CUX1: variants seen among roughly 807,000 people sequenced by gnomAD.
CUX1 encodes the protein cut like homeobox 1.
In CUX1, 31 loss-of-function variants were observed where a neutral mutation model predicts 158.8. That is an observed-to-expected ratio of 0.20 (90% CI 0.15 to 0.26). The LOEUF (loss-of-function observed/expected upper bound fraction) is 0.26, where lower values mean the gene tolerates loss of function less well. Among genes scored for constraint, CUX1 ranks in the 10% least tolerant of loss-of-function variants. CUX1 has a pLI of 1.00. For synonymous variants in CUX1, 879 were observed against 862.1 expected, an observed-to-expected ratio of 1.02 and a Z score of -0.34; for missense variants, 1,589 against 2,014.6, an observed-to-expected ratio of 0.79 and a Z score of 4.04.
chr7:102,085,986 A>G (rs1426797028), intron 4 of CUX1, among the ~76,000 whole-genome samples: 2 of 152,172 alleles, frequency 1.3e-5, no homozygotes, highest in Non-Finnish European at 2.9e-5. Flanking sequence ...TTCTTGAGTC[A>G]GTTTTGGTAA....
intron 21 of CUX1, 51 bp downstream of exon 21, chr7:102,227,720 G>C (rs1798492200): frequency 4.5e-6 from 7 of 1,568,100 alleles, no homozygotes; most frequent in Non-Finnish European, 6.1e-6. Flanking sequence ...GAGTTTGCAG[G>C]AGGAGCAGGT....
intron 2 of CUX1, among the ~76,000 whole-genome samples, chr7:101,936,245 G>C (rs1158599452): frequency 5.3e-5 from 8 of 150,788 alleles, no homozygotes; most frequent in Admixed American, 2.6e-4. Flanking sequence ...TGGGAGGAGG[G>C]AGGAGGGAGG....
intron 1 of CUX1, among the ~76,000 whole-genome samples, chr7:101,897,074 T>A (rs1380311675): frequency 1.3e-5 from 2 of 152,226 alleles, no homozygotes; most frequent in African/African-American, 4.8e-5. Context: ...ATTTACTCCC[T>A]CTTATTAGGC....
chr7:102,098,989 T>C (rs1273358800), intron 5 of CUX1, among the ~76,000 whole-genome samples: 1 of 152,012 alleles, frequency 6.6e-6, no homozygotes, highest in Non-Finnish European at 1.5e-5. Context: ...AAGTGTCCTT[T>C]GGCTTTAAAA....
chr7:102,136,816 A>G (rs1224495248), intron 8 of CUX1, among the ~76,000 whole-genome samples: 1 of 152,176 alleles, frequency 6.6e-6, no homozygotes, highest in Non-Finnish European at 1.5e-5. Flanking sequence ...TTTTCTACAG[A>G]TGGAGTTTAT....
intron 2 of CUX1, among the ~76,000 whole-genome samples, chr7:101,924,955 C>T (rs373673140): frequency 1.1e-4 from 16 of 152,312 alleles, no homozygotes; most frequent in African/African-American, 2.4e-4. Context: ...ACTGGACTCT[C>T]AACTCTTCTC....
At chr7:102,002,166 G>A (rs1388628863) in intron 2 of CUX1, among the ~76,000 whole-genome samples, 2 of 152,174 alleles carry the variant, frequency 1.3e-5, no homozygotes, top group African/African-American at 4.8e-5. Context: ...TGAGTATGGT[G>A]GTGCATGCCT....
chr7:101,916,062 CT>C lies in CUX1; in HGVS notation c.31-52del. 7.8e-7 allele frequency: 1 copy of C among 1,276,148 alleles called. No homozygotes were observed. The highest frequency in any genetic ancestry group is 1.1e-6 in the Non-Finnish European group (1 of 873,134). The allele number at this position is 1,276,148 out of a possible 1,614,324, so 79.1% of individuals were successfully genotyped here. On this transcript the variant is annotated intron_variant, in intron 1 of 23. Transcript: ENST00000292535. This position sits in a 1 kb window ranked among gnomAD's most constrained non-coding sequence, Gnocchi z 4.4. ...GGTCAAATGCAAATAGGACCCTCCT[CT>C]AGTACACAGTGCAATTACAATCTCA...
At chr7:101,821,550 G>A (rs552841939) in intron 1 of CUX1, among the ~76,000 whole-genome samples, 1 of 151,340 alleles carries the variant, frequency 6.6e-6, no homozygotes, top group African/African-American at 2.4e-5. Flanking sequence ...GTGTTAGCCC[G>A]GATGGTCTCG....
chr7:102,272,411 G>A (rs1038175083), intron 14 of CUX1, among the ~76,000 whole-genome samples: 32 of 152,330 alleles, frequency 2.1e-4, no homozygotes, highest in African/African-American at 6.0e-4. Flanking sequence ...GCCCCCTGGC[G>A]GCTGTGCAGC....
In CUX1 at chr7:102,093,767, A is replaced by C. The variant is rs996728133; in HGVS notation, c.269-3597A>C. Among the ~76,000 whole-genome samples the C allele has an allele frequency of 2.6e-5, 4 of 152,256 alleles. 1 individual carries two copies. The highest frequency in any genetic ancestry group is 2.0e-4 in the Admixed American group (3 of 15,286). On this transcript the variant is annotated intron_variant, in intron 4 of 23. Coordinates refer to ENST00000292535, the MANE Select transcript of CUX1 (RefSeq NM_181552.4). ...ACCTCCAAGATTGCTTTAGGAATTA[A>C]GTATCAGATGATTGTAAAACACTTT...
intron 3 of CUX1, among the ~76,000 whole-genome samples, chr7:102,061,556 C>G (rs1341458353): frequency 2.6e-5 from 4 of 152,148 alleles, no homozygotes; most frequent in African/African-American, 4.8e-5. Flanking sequence ...AACTGAGGCC[C>G]AGAGAGGTTA....
chr7:102,118,308 C>T lies in CUX1; in HGVS notation c.674+3035C>T, dbSNP rs189636598. Among the ~76,000 whole-genome samples the T allele has an allele frequency of 3.8e-4, 58 of 152,256 alleles. No individual in the cohort carries two copies. In the East Asian group the frequency reaches 6.6e-3, roughly 17 times the overall value. Reference sequence around the variant, plus strand: ...ATCCCAGCACTTTGGGAGCCTGAGGCGGGCGGCTCACTTGAGCCCAGGAGT... The same window carrying T: ...ATCCCAGCACTTTGGGAGCCTGAGGTGGGCGGCTCACTTGAGCCCAGGAGT... On this transcript the variant is annotated intron_variant, in intron 8 of 23. Transcript: ENST00000292535.
chr7:102,235,761 C>A (rs1253547906), intron 22 of CUX1, among the ~76,000 whole-genome samples: 3 of 136,388 alleles, frequency 2.2e-5, no homozygotes, highest in African/African-American at 8.4e-5. Flanking sequence ...CCCCAGCCCA[C>A]CCCACCCCCG....
chr7:102,029,739 A>T (rs1177586634), intron 3 of CUX1, among the ~76,000 whole-genome samples: 1 of 152,172 alleles, frequency 6.6e-6, no homozygotes, highest in East Asian at 1.9e-4. Context: ...GGACACCTGC[A>T]TCCCAGGGCT....
In CUX1 at chr7:101,830,106, G is replaced by A. The variant is rs1379336015; in HGVS notation, c.30+12437G>A. On this transcript the variant is annotated intron_variant, in intron 1 of 23. Transcript: ENST00000292535. ...GCCCCTGGGTGCTGGGGAGTGAATTGCCCGTAGATACTGATACCTGTACTT... is the reference window on the plus strand; with the variant it reads ...GCCCCTGGGTGCTGGGGAGTGAATTACCCGTAGATACTGATACCTGTACTT... 3.9e-5 allele frequency among the ~76,000 whole-genome samples: 6 copies of A among 152,268 alleles called. No individual in the cohort carries two copies. In the East Asian group the frequency reaches 7.7e-4, roughly 20 times the overall value.
In CUX1 at chr7:102,257,892, AGTC is replaced by A. The variant is rs1184282785; in HGVS notation, c.*8854_*8856del. 109 of 981,544 alleles carry A rather than the reference AGTC, an allele frequency of 1.1e-4. No individual in the cohort carries two copies. The highest frequency in any genetic ancestry group is 7.5e-5 in the Non-Finnish European group (62 of 828,072). 60.8% of individuals were successfully genotyped at this position (981,544 alleles called of 1,614,324 possible). On this transcript the variant is annotated 3_prime_UTR_variant, in exon 24 of 24. Coordinates refer to ENST00000292535, the MANE Select transcript of CUX1 (RefSeq NM_181552.4). ...AAAAAAGAAAAAAGGAAAAAAAAAAAGTCGTCTTTTTTTTTTTTTTTTGTACAA... is the reference window on the plus strand; with the variant it reads ...AAAAAAGAAAAAAGGAAAAAAAAAAAGTCTTTTTTTTTTTTTTTTGTACAA...
intron 1 of CUX1, among the ~76,000 whole-genome samples, chr7:101,843,010 C>T (rs1431068763): frequency 4.6e-5 from 7 of 151,350 alleles, no homozygotes; most frequent in East Asian, 1.9e-4. Flanking sequence ...GGACTACAGG[C>T]GCCCACCACC....
At chr7:101,877,300 A>T (rs1158524440) in intron 1 of CUX1, among the ~76,000 whole-genome samples, 1 of 152,226 alleles carries the variant, frequency 6.6e-6, no homozygotes, top group Non-Finnish European at 1.5e-5. Context: ...GAGTTTCATT[A>T]TATACACAGA....
Sources: allele counts gnomAD v4.1 joint callset (sites outside exome capture counted in the v4.1 genomes callset), GRCh38; gene constraint gnomAD v4.1.1; non-coding constraint Gnocchi (gnomAD v3.1); transcripts MANE v1.5; gene names NCBI Gene and HGNC (gene_info 2026-07-23, HGNC 2026-07-21).